Variants in KPNA3 observed in about 807,000 individuals in gnomAD.
KPNA3 encodes the protein importin subunit alpha-4.
In KPNA3, 13 loss-of-function variants were observed where a neutral mutation model predicts 73.8. The ratio of observed to expected loss-of-function variants is 0.18; its 90% CI spans 0.11 to 0.28. The LOEUF (loss-of-function observed/expected upper bound fraction) is 0.28. Among genes scored for constraint, KPNA3 ranks in the 10% least tolerant of loss-of-function variants. KPNA3 has a pLI of 1.00. For synonymous variants in KPNA3, 186 were observed against 206.9 expected, an observed-to-expected ratio of 0.90 and a Z score of 0.87; for missense variants, 360 against 618.1, an observed-to-expected ratio of 0.58 and a Z score of 4.43.
At chr13:49,724,306 CTTTT>C (rs138511170) in intron 7 of KPNA3, among the ~76,000 whole-genome samples, 1 of 143,320 alleles carries the variant, frequency 7.0e-6, no homozygotes, top group Non-Finnish European at 1.5e-5. Flanking sequence ...CACATGATAA[CTTTT>C]TTTTTTTTTT....
At chr13:49,785,417 A>G (rs927762707) in intron 1 of KPNA3, among the ~76,000 whole-genome samples, 60 of 152,344 alleles carry the variant, frequency 3.9e-4, no homozygotes, top group African/African-American at 1.4e-3. Context: ...TTCAGGTCAC[A>G]GTGAGGGTGA....
At chr13:49,713,347 A>C (rs1566334782) in intron 10 of KPNA3, among the ~76,000 whole-genome samples, 1 of 149,924 alleles carries the variant, frequency 6.7e-6, no homozygotes, top group East Asian at 2.0e-4. Context: ...TACTAATAAT[A>C]GGAGGTTTTA....
At chr13:49,744,009 T>C (rs1185365963) in intron 2 of KPNA3, among the ~76,000 whole-genome samples, 1 of 152,210 alleles carries the variant, frequency 6.6e-6, no homozygotes. Context: ...TCTACCTATA[T>C]AGAGTTCTAA....
At chr13:49,788,760 GAACA>G (rs2137611565) in intron 1 of KPNA3, among the ~76,000 whole-genome samples, 2 of 109,316 alleles carry the variant, frequency 1.8e-5, no homozygotes, top group South Asian at 5.6e-4. Flanking sequence ...GCACATTCCA[GAACA>G]AATAAAAGGA....
chr13:49,721,884 C>A, intron 9 of KPNA3, 71 bp downstream of exon 9: 1 of 1,040,800 alleles, frequency 9.6e-7, no homozygotes, highest in Non-Finnish European at 1.4e-6. Flanking sequence ...TATTTTGTCC[C>A]CTGTATATGA....
chr13:49,741,070 C>CT (rs1954569411), intron 2 of KPNA3, among the ~76,000 whole-genome samples: 1 of 152,110 alleles, frequency 6.6e-6, no homozygotes, highest in Non-Finnish European at 1.5e-5. Flanking sequence ...GGGCTGATTC[C>CT]TTATCTCGGG....
At chr13:49,788,156 T>C (rs1402181524) in intron 1 of KPNA3, among the ~76,000 whole-genome samples, 2 of 152,222 alleles carry the variant, frequency 1.3e-5, no homozygotes, top group Non-Finnish European at 2.9e-5. Flanking sequence ...AGATAATCTA[T>C]ATAAAGTACT....
At chr13:49,714,179 G>A (rs922646217) in intron 10 of KPNA3, among the ~76,000 whole-genome samples, 11 of 151,952 alleles carry the variant, frequency 7.2e-5, no homozygotes, top group African/African-American at 2.7e-4. Context: ...GTAAACTACG[G>A]ATTTTGGGTG....
intron 6 of KPNA3, among the ~76,000 whole-genome samples, chr13:49,727,713 G>C (rs1022714799): frequency 1.3e-5 from 2 of 152,082 alleles, no homozygotes; most frequent in Non-Finnish European, 2.9e-5. Flanking sequence ...ATACACGTCT[G>C]AACATGATCT....
At chr13:49,783,710 T>C (rs1954959000) in intron 1 of KPNA3, among the ~76,000 whole-genome samples, 1 of 152,200 alleles carries the variant, frequency 6.6e-6, no homozygotes. Context: ...AGAAGTTACT[T>C]TTTTTTCCAC....
intron 2 of KPNA3, among the ~76,000 whole-genome samples, chr13:49,733,727 G>C (rs1954493680): frequency 6.6e-6 from 1 of 152,222 alleles, no homozygotes; most frequent in Non-Finnish European, 1.5e-5. Context: ...TAAGCAAACA[G>C]ACTTGAAAAG....
chr13:49,727,677 C>T (rs1220242167), intron 6 of KPNA3, among the ~76,000 whole-genome samples: 1 of 151,582 alleles, frequency 6.6e-6, no homozygotes, highest in African/African-American at 2.4e-5. Flanking sequence ...TTTTTTTGCA[C>T]CAAAATAAAC....
At chr13:49,721,805 G>T in intron 9 of KPNA3, 150 bp downstream of exon 9, 1 of 475,562 alleles carries the variant, frequency 2.1e-6, no homozygotes, top group Non-Finnish European at 3.4e-6. Context: ...GGGCGACAGA[G>T]CAAGACTCCG....
At chr13:49,725,627 T>C (rs1954402300) in intron 6 of KPNA3, 126 bp from the exon 7 acceptor site, 1 of 529,308 alleles carries the variant, frequency 1.9e-6, no homozygotes, top group Non-Finnish European at 3.1e-6. Flanking sequence ...ATAATCCAAT[T>C]GCCTGCTAGC....
intron 2 of KPNA3, among the ~76,000 whole-genome samples, chr13:49,736,583 T>A (rs900774916): frequency 6.6e-5 from 10 of 152,148 alleles, no homozygotes; most frequent in African/African-American, 2.4e-4. Context: ...TTTGCCCAGG[T>A]TACCCCAAAG....
chr13:49,775,414 C>G (rs1954890040), intron 1 of KPNA3, among the ~76,000 whole-genome samples: 1 of 152,122 alleles, frequency 6.6e-6, no homozygotes, highest in South Asian at 2.1e-4. Flanking sequence ...TAGGGCAGCA[C>G]ACCACATGGG....
At chr13:49,771,599 T>C (rs1268278393) in intron 1 of KPNA3, among the ~76,000 whole-genome samples, 1 of 152,146 alleles carries the variant, frequency 6.6e-6, no homozygotes, top group Non-Finnish European at 1.5e-5. Flanking sequence ...TACAGGCATA[T>C]GCTACCACAC....
At chr13:49,787,366 G>A (rs1291079306) in intron 1 of KPNA3, among the ~76,000 whole-genome samples, 2 of 152,152 alleles carry the variant, frequency 1.3e-5, no homozygotes, top group Admixed American at 1.3e-4. Context: ...TATAGAAATA[G>A]CAATTTCTGT....
At chr13:49,741,615 A>G (rs1035057652) in intron 2 of KPNA3, among the ~76,000 whole-genome samples, 33 of 151,962 alleles carry the variant, frequency 2.2e-4, no homozygotes, top group Admixed American at 1.1e-3. Flanking sequence ...CACCACGCCC[A>G]GCTAATTTTT....
Sources: allele counts gnomAD v4.1 joint callset (sites outside exome capture counted in the v4.1 genomes callset), GRCh38; gene constraint gnomAD v4.1.1; transcripts MANE v1.5; gene names NCBI Gene and HGNC (gene_info 2026-07-23, HGNC 2026-07-21).